HDAC9: variants seen among roughly 807,000 people sequenced by gnomAD.
The protein encoded by HDAC9 is histone deacetylase 9, also known as MEF-2 interacting transcription repressor (MITR) protein.
In HDAC9, 41 loss-of-function variants were observed where a neutral mutation model predicts 139.4. That is an observed-to-expected ratio of 0.29 (90% CI 0.23 to 0.38). The LOEUF is 0.38. HDAC9 is among the 10% of genes least tolerant of loss of function. The pLI, the probability that HDAC9 is intolerant of heterozygous loss-of-function variation, is 1.00. For missense variants in HDAC9, 1,147 were observed against 1,297.0 expected (o/e 0.88, Z 1.78); for synonymous variants, 517 against 476.2 (o/e 1.09, Z -1.12).
chr7:18,299,825 C>T (rs1798414970), intron 1 of HDAC9, among the ~76,000 whole-genome samples: 1 of 152,014 alleles, frequency 6.6e-6, no homozygotes, highest in Non-Finnish European at 1.5e-5. Context: ...GAAAAGGCTA[C>T]CAATCCACCT....
chr7:18,540,899 G>T (rs907909859), intron 2 of HDAC9, among the ~76,000 whole-genome samples: 1 of 152,024 alleles, frequency 6.6e-6, no homozygotes, highest in Non-Finnish European at 1.5e-5. Flanking sequence ...CATGATTCTC[G>T]TAAGAATTTT....
At chr7:18,433,534 A>G (rs879701552) in intron 1 of HDAC9, among the ~76,000 whole-genome samples, 1 of 152,198 alleles carries the variant, frequency 6.6e-6, no homozygotes, top group Non-Finnish European at 1.5e-5. Context: ...TCTCTGCCCA[A>G]AAGCTCCTAG....
rs565026798 is a variant in HDAC9 at position 18,899,360 on chromosome 7, A to G, written c.2803+24764A>G. The G allele has an allele frequency of 3.3e-5, 5 of 151,912 alleles. No homozygotes were observed. In the South Asian group the frequency reaches 8.3e-4, roughly 25 times the overall value. 9.4% of individuals were successfully genotyped at this position (151,912 alleles called of 1,614,324 possible). A position where few individuals can be genotyped will look rare whatever the true frequency, so the allele number is the denominator to read the frequency against. ...TCCCTGAAAGTTACTTGCTCTCCCTATAGCCAAACATGAACTTGATGTCTT... is the reference window on the plus strand; with the variant it reads ...TCCCTGAAAGTTACTTGCTCTCCCTGTAGCCAAACATGAACTTGATGTCTT... On this transcript the variant is annotated intron_variant, in intron 22 of 25. Coordinates refer to ENST00000686413, the MANE Select transcript of HDAC9 (RefSeq NM_178425.4).
intron 2 of HDAC9, among the ~76,000 whole-genome samples, chr7:18,513,405 A>G (rs1802163497): frequency 6.6e-6 from 1 of 152,220 alleles, no homozygotes; most frequent in South Asian, 2.1e-4. Context: ...GAAGAAAGGT[A>G]GATAACTGTA....
chr7:18,338,860 C>T lies in HDAC9; in HGVS notation c.-42+48345C>T, dbSNP rs115815468. 2.8e-3 allele frequency among the ~76,000 whole-genome samples: 424 copies of T among 151,396 alleles called. 2 individuals carry two copies. Among genetic ancestry groups the T allele is most frequent in the African/African-American group, 9.4e-3 (390 of 41,390 alleles). On this transcript the variant is annotated intron_variant, in intron 1 of 3. Coordinates refer to the HDAC9 transcript ENST00000413509. ...CATTATTATTATTTTTTTAAATCCT[C>T]GGTAGAATTCAACAGTCAACTCCAT...
intron 24 of HDAC9, among the ~76,000 whole-genome samples, chr7:18,967,942 C>T (rs1329511208): frequency 6.6e-6 from 1 of 152,076 alleles, no homozygotes; most frequent in Non-Finnish European, 1.5e-5. Flanking sequence ...GCGGGCGGAT[C>T]ACCTGGGGTT....
At chr7:18,175,194 C>T (rs563458338) in intron 2 of HDAC9, among the ~76,000 whole-genome samples, 3 of 152,258 alleles carry the variant, frequency 2.0e-5, no homozygotes, top group African/African-American at 4.8e-5. Context: ...CAGGCTGCTG[C>T]CTTGCAGGTC....
intron 12 of HDAC9, among the ~76,000 whole-genome samples, chr7:18,685,706 C>A (rs1171306768): frequency 6.6e-6 from 1 of 151,984 alleles, no homozygotes; most frequent in South Asian, 2.1e-4. Context: ...AAATAGATTT[C>A]CTCCTAAGGG....
intron 12 of HDAC9, among the ~76,000 whole-genome samples, chr7:18,702,969 A>G (rs1032755903): frequency 4.6e-5 from 7 of 152,342 alleles, no homozygotes; most frequent in Admixed American, 3.9e-4. Flanking sequence ...ACAATTGTGT[A>G]TTTTGAAATC....
intron 2 of HDAC9, among the ~76,000 whole-genome samples, chr7:18,583,506 G>C (rs527405781): frequency 4.6e-5 from 7 of 151,756 alleles, no homozygotes; most frequent in African/African-American, 1.7e-4. Context: ...ATCACTTGAG[G>C]TCAGGAATTC....
Position 18,997,102 on chromosome 7 carries a change from A to G in HDAC9, c.*1040A>G, listed in dbSNP as rs571127959. On this transcript the variant is annotated 3_prime_UTR_variant, in exon 26 of 26. Transcript: ENST00000686413. ...CTCTTATTACTTGAGGGCCTTGACT[A>G]TTTAGTTTATTTTGTTTACTTTACA... The G allele has an allele frequency of 1.3e-5, 2 of 152,194 alleles. No homozygotes were observed. The highest frequency in any genetic ancestry group is 6.5e-5 in the Admixed American group (1 of 15,280). The allele number at this position is 152,194 out of a possible 1,614,324, so 9.4% of individuals were successfully genotyped here.
chr7:18,247,098 T>C (rs952740396), intron 2 of HDAC9, among the ~76,000 whole-genome samples: 3 of 151,532 alleles, frequency 2.0e-5, no homozygotes, highest in African/African-American at 7.3e-5. Flanking sequence ...TTTGGGCAGG[T>C]TGAGTTTGAG....
Position 18,722,904 on chromosome 7 carries a change from A to G in HDAC9, c.1732-4676A>G, listed in dbSNP as rs1433415526. On this transcript the variant is annotated intron_variant, in intron 12 of 25. Transcript: ENST00000686413. ...TCTGTCCTAATAAAGTGTTTGGAAG[A>G]TTTAACTGTTTAGTTTAAATAACAT... 5.3e-5 allele frequency among the ~76,000 whole-genome samples: 8 copies of G among 152,322 alleles called. No individual in the cohort carries two copies. The South Asian group carries it at 6.2e-4, about 12-fold the overall frequency.
In HDAC9 at chr7:18,648,492, C is replaced by T. The variant is rs772831386; in HGVS notation, c.1276C>T (p.Pro426Ser). 1.9e-6 allele frequency: 3 copies of T among 1,613,232 alleles called. No individual in the cohort carries two copies. The highest frequency in any genetic ancestry group is 1.1e-5 in the South Asian group (1 of 91,050). ...TGGAGTTCCCTTACATCCTCAGTCT[C>T]CCTTGGCAACAAAAGAGAGAATTTC... ...AGGVPLHPQSPLATKERISPG... is the reference protein window; with the variant it reads ...AGGVPLHPQSSLATKERISPG... The change falls in exon 11 of 26, where the codon CCC becomes TCC. Residue 426 changes from proline to serine, a missense_variant. Pro to Ser is a moderately conservative substitution (Grantham distance 74). Around this residue, in one of 7 missense-constraint regions of HDAC9, gnomAD observed 264 missense variants for 273.8 expected, o/e 0.96. Transcript: ENST00000686413.
intron 1 of HDAC9, among the ~76,000 whole-genome samples, chr7:18,427,670 G>A (rs1286114003): frequency 2.0e-5 from 3 of 147,780 alleles, no homozygotes; most frequent in East Asian, 3.9e-4. Flanking sequence ...ACCTCTCATC[G>A]CCCACCCTGG....
At chr7:18,123,015 A>G (rs757474497) in intron 1 of HDAC9, among the ~76,000 whole-genome samples, 8 of 152,332 alleles carry the variant, frequency 5.3e-5, no homozygotes, top group Middle Eastern at 3.4e-3. Flanking sequence ...ATATTTCCCA[A>G]TGGCCCTAAA....
At chr7:18,852,944 T>G (rs1554378700) in intron 21 of HDAC9, among the ~76,000 whole-genome samples, 1 of 151,862 alleles carries the variant, frequency 6.6e-6, no homozygotes, top group Non-Finnish European at 1.5e-5. Flanking sequence ...AATAATGAAG[T>G]CAATCCAAAC....
chr7:18,210,097 T>G (rs1584651386), intron 2 of HDAC9, among the ~76,000 whole-genome samples: 1 of 152,164 alleles, frequency 6.6e-6, no homozygotes, highest in Admixed American at 6.5e-5. Flanking sequence ...ACCTTTTGTC[T>G]GAAATAATAA....
intron 2 of HDAC9, among the ~76,000 whole-genome samples, chr7:18,199,460 T>C (rs1790951748): frequency 6.6e-6 from 1 of 152,104 alleles, no homozygotes; most frequent in South Asian, 2.1e-4. Flanking sequence ...AAGGATCTGC[T>C]GTTATTGTTT....
Sources: gnomAD v4.1 joint callset for allele counts (sites outside exome capture counted in the v4.1 genomes callset) on GRCh38, gnomAD v4.1.1 for gene constraint, gnomAD v4.1.1 regional missense constraint, MANE v1.5 for transcripts, NCBI Gene and HGNC (gene_info 2026-07-23, HGNC 2026-07-21) for gene names.